SLC25A26: variants seen among roughly 807,000 people sequenced by gnomAD.
SLC25A26 encodes solute carrier family 25 member 26.
In SLC25A26, 36 loss-of-function variants were observed where a neutral mutation model predicts 37.8. The ratio of observed to expected loss-of-function variants is 0.95; its 90% CI spans 0.73 to 1.26. The LOEUF is 1.26. Ranked by LOEUF, SLC25A26 falls within the 50% of genes most tolerant of loss-of-function variation. The probability of loss-of-function intolerance (pLI) is 0.00; values close to 1 mark genes in which losing one functional copy is unlikely to be tolerated. For missense variants in SLC25A26, 390 were observed against 331.1 expected, an observed-to-expected ratio of 1.18 and a Z score of -1.38; for synonymous variants, 129 against 122.5, an observed-to-expected ratio of 1.05 and a Z score of -0.35.
intron 5 of SLC25A26, among the ~76,000 whole-genome samples, chr3:66,320,643 C>T (rs2075669387): frequency 6.6e-6 from 1 of 152,178 alleles, no homozygotes. Flanking sequence ...CTATTTTTAG[C>T]TGTTTGAGGA....
intron 5 of SLC25A26, among the ~76,000 whole-genome samples, chr3:66,283,530 C>T (rs2074414005): frequency 6.6e-6 from 1 of 152,136 alleles, no homozygotes; most frequent in African/African-American, 2.4e-5. Context: ...AGTCTGCCTA[C>T]CTTGGCATCC....
chr3:66,261,305 C>G lies in SLC25A26; in HGVS notation c.301-746C>G, dbSNP rs143575508. Among the ~76,000 whole-genome samples, 17 of 152,292 alleles carry G rather than the reference C, an allele frequency of 1.1e-4. No homozygotes were observed. In the East Asian group the frequency reaches 2.9e-3, roughly 26 times the overall value. The stretch of plus-strand genomic sequence containing the variant: ...CTTGCCACCCCTTCTCCAACCTTGC[C>G]TTCTTTGCTTTTGTGGGCAGAGTTC... On this transcript the variant is annotated intron_variant, in intron 3 of 9. Transcript: ENST00000354883.
At chr3:66,310,331 T>A (rs914836311) in intron 5 of SLC25A26, among the ~76,000 whole-genome samples, 3 of 152,194 alleles carry the variant, frequency 2.0e-5, no homozygotes, top group Non-Finnish European at 4.4e-5. Flanking sequence ...CCCCTGCTTT[T>A]TTTTGCTTTC....
upstream of SLC25A26, among the ~76,000 whole-genome samples, chr3:66,219,808 C>A (rs1195878647): frequency 2.6e-5 from 4 of 152,164 alleles, no homozygotes; most frequent in Admixed American, 2.6e-4. Context: ...AGGCTAAGAA[C>A]TTGAGTGCAT....
intron 1 of SLC25A26, among the ~76,000 whole-genome samples, chr3:66,142,693 T>A (rs1427443198): frequency 6.6e-6 from 1 of 152,214 alleles, no homozygotes; most frequent in Non-Finnish European, 1.5e-5. Context: ...TAGGTTTCCC[T>A]GTTTTTTTGG....
At position 66,309,395 on chromosome 3, in the gene SLC25A26, T is replaced by C. The variant is rs113922526; in HGVS notation, c.454-36969T>C. Among the ~76,000 whole-genome samples, 227 of 152,354 alleles carry C rather than the reference T, an allele frequency of 1.5e-3. 1 individual carries two copies. The highest frequency in any genetic ancestry group is 5.1e-3 in the African/African-American group (214 of 41,584). On this transcript the variant is annotated intron_variant, in intron 5 of 9. Transcript: ENST00000354883. ...ATTTTTTATTGTGTCTATTTGATTC[T>C]TCTCTCTTCATTGGTCTGGCTAGTG...
At chr3:66,278,354 A>G (rs1420376667) in intron 5 of SLC25A26, among the ~76,000 whole-genome samples, 1 of 152,186 alleles carries the variant, frequency 6.6e-6, no homozygotes, top group Non-Finnish European at 1.5e-5. Context: ...AACAACCCAA[A>G]TAATGTAGAA....
At chr3:66,328,664 T>C (rs921020448) in intron 5 of SLC25A26, among the ~76,000 whole-genome samples, 3 of 152,188 alleles carry the variant, frequency 2.0e-5, no homozygotes, top group Non-Finnish European at 2.9e-5. Context: ...TTTTTAGAAG[T>C]ATTATACATT....
At chr3:66,221,230 A>T in intron 1 of SLC25A26, 103 bp downstream of exon 1, 2 of 1,285,848 alleles carry the variant, frequency 1.6e-6, no homozygotes, top group Non-Finnish European at 1.0e-6. Context: ...TGCGGGCTGG[A>T]CTGTCCTCGG....
At chr3:66,358,571 G>A (rs1452476341) in intron 6 of SLC25A26, among the ~76,000 whole-genome samples, 1 of 152,154 alleles carries the variant, frequency 6.6e-6, no homozygotes, top group Non-Finnish European at 1.5e-5. Context: ...GTGTTTTCAT[G>A]CCCACACCAG....
intron 5 of SLC25A26, among the ~76,000 whole-genome samples, chr3:66,326,679 G>A (rs753826226): frequency 3.3e-5 from 5 of 152,164 alleles, no homozygotes; most frequent in Non-Finnish European, 5.9e-5. Context: ...GTGAGTGCAC[G>A]CACGCCTCTT....
At chr3:66,265,420 G>A (rs1258703200) in intron 5 of SLC25A26, among the ~76,000 whole-genome samples, 1 of 152,202 alleles carries the variant, frequency 6.6e-6, no homozygotes, top group African/African-American at 2.4e-5. Context: ...TTTCAGATAG[G>A]TGAGATATAA....
At position 66,370,554 on chromosome 3, in the gene SLC25A26, A is replaced by G. The variant is rs1241081506; in HGVS notation, c.659A>G (p.Asn220Ser). ...GCTGGCTCCAGCACTGCTGATGGGA[A>G]TGTGCTCTCTGTCCTGCATGGGGTC... ...AKAGSSTADG[N>S]VLSVLHGVWR... Residue 220 changes from asparagine to serine, a missense_variant, in exon 9 of 10, where the codon AAT (asparagine) becomes AGT (serine). By Grantham distance (46) the Asn-to-Ser change is conservative. Coordinates refer to ENST00000354883, the MANE Select transcript of SLC25A26 (RefSeq NM_001379210.1). The G allele has an allele frequency of 6.2e-7, 1 of 1,613,892 alleles. No homozygotes were observed. Among genetic ancestry groups the G allele is most frequent in the Admixed American group, 1.7e-5 (1 of 60,006 alleles).
chr3:66,266,542 T>G (rs1261907351), intron 5 of SLC25A26, among the ~76,000 whole-genome samples: 1 of 151,896 alleles, frequency 6.6e-6, no homozygotes, highest in Non-Finnish European at 1.5e-5. Context: ...TAAGATAGAT[T>G]CGGTGTTCTT....
chr3:66,347,907 T>C (rs928145653), intron 6 of SLC25A26, among the ~76,000 whole-genome samples: 6 of 152,128 alleles, frequency 3.9e-5, no homozygotes, highest in African/African-American at 7.2e-5. Flanking sequence ...TTCTCACTTA[T>C]AAGTGGGAGC....
At chr3:66,284,773 AATAT>A (rs1184805000) in intron 5 of SLC25A26, among the ~76,000 whole-genome samples, 1 of 152,208 alleles carries the variant, frequency 6.6e-6, no homozygotes, top group Non-Finnish European at 1.5e-5. Context: ...TGGTGCAGCA[AATAT>A]ATATTTATAT....
chr3:66,202,291 C>T (rs1472281602), intron 1 of SLC25A26, among the ~76,000 whole-genome samples: 1 of 151,964 alleles, frequency 6.6e-6, no homozygotes, highest in Non-Finnish European at 1.5e-5. Context: ...TGTTCTCACT[C>T]ATAAGTGGGA....
At chr3:66,267,923 G>A (rs1202041829) in intron 5 of SLC25A26, among the ~76,000 whole-genome samples, 2 of 152,160 alleles carry the variant, frequency 1.3e-5, no homozygotes, top group African/African-American at 4.8e-5. Flanking sequence ...CAAGCGTCAA[G>A]GACTGCCCTC....
intron 3 of SLC25A26, among the ~76,000 whole-genome samples, chr3:66,253,026 C>CG (rs781783092): frequency 3.7e-5 from 3 of 80,874 alleles, no homozygotes; most frequent in South Asian, 5.8e-4. Context: ...AAATAATGCC[C>CG]CCCCCCCCCC....
Sources: allele counts gnomAD v4.1 joint callset (sites outside exome capture counted in the v4.1 genomes callset), GRCh38; gene constraint gnomAD v4.1.1; transcripts MANE v1.5; gene names NCBI Gene and HGNC (gene_info 2026-07-23, HGNC 2026-07-21).